The following TRAPPC9 variants were observed in gnomAD, a reference collection of about 807,000 sequenced individuals.
TRAPPC9 encodes IKK2 binding protein.
Under a neutral mutation model 124.0 loss-of-function variants are expected in TRAPPC9, and 83 were observed. The observed-to-expected ratio is 0.67, with a 90% CI of 0.56 to 0.80. The LOEUF is 0.80. Among genes scored for constraint, TRAPPC9 ranks in the 30% least tolerant of loss-of-function variants. The probability of loss-of-function intolerance (pLI) is 0.00; values close to 1 mark genes in which losing one functional copy is unlikely to be tolerated. For missense variants in TRAPPC9, 1,302 were observed against 1,508.3 expected (o/e 0.86, Z 2.27); for synonymous variants, 638 against 617.5 (o/e 1.03, Z -0.49).
chr8:139,851,391 T>C (rs746863900), intron 21 of TRAPPC9, among the ~76,000 whole-genome samples: 3 of 152,190 alleles, frequency 2.0e-5, no homozygotes, highest in Non-Finnish European at 2.9e-5. Context: ...TGACCACAGA[T>C]GTCACCAACT....
At chr8:139,913,683 A>G (rs1831909643) in intron 19 of TRAPPC9, among the ~76,000 whole-genome samples, 1 of 152,140 alleles carries the variant, frequency 6.6e-6, no homozygotes, top group Non-Finnish European at 1.5e-5. Context: ...GCTGGCAAAA[A>G]TCCCAAAGGC....
rs113171251 is a variant in TRAPPC9 at position 140,022,811 on chromosome 8, G to A, written c.2699+1126C>T. On this transcript the variant is annotated intron_variant, in intron 18 of 22. Transcript: ENST00000438773. ...CTCTTACTCTGAGGACTGAAAAGGTGACAGATGATGAAATGTGATGCTAAA... is the reference window on the plus strand; with the variant it reads ...CTCTTACTCTGAGGACTGAAAAGGTAACAGATGATGAAATGTGATGCTAAA... 1.1e-4 allele frequency among the ~76,000 whole-genome samples: 17 copies of A among 152,326 alleles called. 1 individual carries two copies. The highest frequency in any genetic ancestry group is 4.1e-4 in the African/African-American group (17 of 41,578).
chr8:140,339,095 C>T (rs1433417845), intron 9 of TRAPPC9, among the ~76,000 whole-genome samples: 16 of 150,990 alleles, frequency 1.1e-4, no homozygotes, highest in African/African-American at 2.4e-4. Flanking sequence ...CGACGGGAAA[C>T]GGCTCAGAGA....
intron 20 of TRAPPC9, among the ~76,000 whole-genome samples, chr8:139,893,447 G>A (rs1206004054): frequency 6.6e-6 from 1 of 152,234 alleles, no homozygotes; most frequent in Non-Finnish European, 1.5e-5. Context: ...TCTGCACAAT[G>A]CTCTTTCGAG....
At chr8:140,250,940 T>C (rs2064117892) in intron 16 of TRAPPC9, among the ~76,000 whole-genome samples, 1 of 152,212 alleles carries the variant, frequency 6.6e-6, no homozygotes, top group Non-Finnish European at 1.5e-5. Flanking sequence ...ATTGCAATTT[T>C]GCTCAATTTT....
intron 17 of TRAPPC9, among the ~76,000 whole-genome samples, chr8:140,167,424 A>G (rs753991493): frequency 2.0e-5 from 3 of 152,192 alleles, no homozygotes; most frequent in Non-Finnish European, 2.9e-5. Flanking sequence ...GGTACTTTGC[A>G]CACCACAGCA....
chr8:140,293,609 GCAAAAACAAAAAACCAAACA>G (rs1314269822), intron 11 of TRAPPC9, among the ~76,000 whole-genome samples: 1 of 151,894 alleles, frequency 6.6e-6, no homozygotes, highest in Non-Finnish European at 1.5e-5. Context: ...GTAAACTATC[GCAAAAACAAAAAACCAAACA>G]CTGCATATTC....
intron 17 of TRAPPC9, among the ~76,000 whole-genome samples, chr8:140,111,966 G>A (rs551086134): frequency 4.1e-4 from 63 of 152,262 alleles, no homozygotes; most frequent in Admixed American, 7.8e-4. Context: ...AGGCGCAGGC[G>A]CCATGGCAGG....
intron 21 of TRAPPC9, among the ~76,000 whole-genome samples, chr8:139,763,986 G>C (rs1192790872): frequency 6.6e-6 from 1 of 152,220 alleles, no homozygotes; most frequent in Non-Finnish European, 1.5e-5. Context: ...GAAGGTGGAA[G>C]TGCTCATTAG....
chr8:140,423,825 G>T (rs146580992), intron 5 of TRAPPC9, among the ~76,000 whole-genome samples: 1 of 151,944 alleles, frequency 6.6e-6, no homozygotes, highest in Non-Finnish European at 1.5e-5. Context: ...CGTGCTATAC[G>T]CATGAAGCTT....
At position 140,331,096 on chromosome 8, in the gene TRAPPC9, A is replaced by G. The variant is rs1208617306; in HGVS notation, c.1496-19722T>C. Among the ~76,000 whole-genome samples the G allele has an allele frequency of 2.0e-5, 3 of 152,062 alleles. No individual in the cohort carries two copies. The East Asian group carries it at 5.8e-4, about 29-fold the overall frequency. On this transcript the variant is annotated intron_variant, in intron 9 of 22. Transcript: ENST00000438773. ...ACTACAAAGCTATAGTAAGCAAAAC[A>G]TCATGGTACTGGCATAAAAACAGAC...
rs769023812 is a variant in TRAPPC9 at position 140,287,636 on chromosome 8, C to T, written c.1953G>A (p.Pro651=). 57 of 1,613,998 alleles carry T rather than the reference C, an allele frequency of 3.5e-5. No homozygotes were observed. The highest frequency in any genetic ancestry group is 1.8e-4 in the East Asian group (8 of 44,888). The change falls in exon 13 of 23, where the codon CCG becomes CCA. Residue 651 remains proline (P), a synonymous_variant. Coordinates refer to ENST00000438773, the MANE Select transcript of TRAPPC9 (RefSeq NM_001160372.4). ...GLYPVTLVGV[P]QTTGTITVNG... is the part of the protein sequence containing the mutation. The stretch of plus-strand genomic sequence containing the variant: ...TCACAGTAATCGTTCCAGTCGTCTG[C>T]GGGACCCCGACGAGCGTCACTGGGT...
intron 16 of TRAPPC9, among the ~76,000 whole-genome samples, chr8:140,222,316 A>G (rs1432462303): frequency 6.6e-6 from 1 of 152,182 alleles, no homozygotes; most frequent in Non-Finnish European, 1.5e-5. Flanking sequence ...CTTACTTGTT[A>G]ACAGTATCTA....
At chr8:140,134,390 C>A (rs987179422) in intron 17 of TRAPPC9, among the ~76,000 whole-genome samples, 1 of 152,112 alleles carries the variant, frequency 6.6e-6, no homozygotes, top group African/African-American at 2.4e-5. Flanking sequence ...CCTCAGCCTC[C>A]CGAGTAGTGG....
At chr8:139,989,322 C>A (rs1218459833) in intron 18 of TRAPPC9, among the ~76,000 whole-genome samples, 1 of 145,104 alleles carries the variant, frequency 6.9e-6, no homozygotes. Flanking sequence ...TGTGTGTGTG[C>A]ACATCCAGCA....
chr8:140,367,659 T>C (rs1462490619), intron 8 of TRAPPC9, among the ~76,000 whole-genome samples: 1 of 152,116 alleles, frequency 6.6e-6, no homozygotes, highest in East Asian at 1.9e-4. Flanking sequence ...TGGATACTCA[T>C]CACTACACAT....
At chr8:139,852,099 A>G (rs567105367) in intron 21 of TRAPPC9, among the ~76,000 whole-genome samples, 1 of 152,308 alleles carries the variant, frequency 6.6e-6, no homozygotes, top group South Asian at 2.1e-4. Context: ...ACGTCTCATG[A>G]GATCTGATGA....
At chr8:139,818,520 G>A (rs777503922) in intron 21 of TRAPPC9, among the ~76,000 whole-genome samples, 2 of 152,150 alleles carry the variant, frequency 1.3e-5, no homozygotes, top group Non-Finnish European at 2.9e-5. Context: ...AGGTTGCAGT[G>A]AGCTGAGATC....
Position 140,426,655 on chromosome 8 carries a change from C to G in TRAPPC9, c.860-14G>C, listed in dbSNP as rs769560050. The G allele has an allele frequency of 1.9e-5, 30 of 1,612,840 alleles. No homozygotes were observed. Among genetic ancestry groups the G allele is most frequent in the Non-Finnish European group, 2.4e-5 (28 of 1,179,100 alleles). On this transcript the variant is annotated splice_polypyrimidine_tract_variant and intron_variant, in intron 4 of 22. Coordinates refer to ENST00000438773, the MANE Select transcript of TRAPPC9 (RefSeq NM_001160372.4). ...CTTCCTGTGCCCCTGGAAGAAAGAA[C>G]AGATTATGGTATTTTATTTGGAAAA...
Sources: allele counts gnomAD v4.1 joint callset (sites outside exome capture counted in the v4.1 genomes callset), GRCh38; gene constraint gnomAD v4.1.1; transcripts MANE v1.5; gene names NCBI Gene and HGNC (gene_info 2026-07-23, HGNC 2026-07-21).